The following FER1L6 variants were observed in gnomAD, a reference collection of about 807,000 sequenced individuals.
FER1L6 encodes the protein fer-1-like protein 6.
A neutral mutation model predicts 219.2 loss-of-function variants in FER1L6; 177 were observed. The observed-to-expected ratio is 0.81, with a 90% CI of 0.71 to 0.91. The LOEUF (loss-of-function observed/expected upper bound fraction) is 0.91. Ranked by LOEUF, FER1L6 falls within the 40% of genes least tolerant of loss-of-function variation. FER1L6 has a pLI of 0.00. For synonymous variants in FER1L6, 768 were observed against 824.3 expected (o/e 0.93, Z 1.17); for missense variants, 2,153 against 2,259.9 (o/e 0.95, Z 0.96).
intron 39 of FER1L6, among the ~76,000 whole-genome samples, chr8:124,114,071 T>A (rs565669380): frequency 6.6e-6 from 1 of 152,180 alleles, no homozygotes; most frequent in South Asian, 2.1e-4. Flanking sequence ...TTTATAAAAA[T>A]TTTTCTAACC....
At chr8:124,062,521 C>G (rs549819486) in intron 25 of FER1L6, among the ~76,000 whole-genome samples, 1 of 152,206 alleles carries the variant, frequency 6.6e-6, no homozygotes, top group Admixed American at 6.5e-5. Flanking sequence ...TTTAATCTAC[C>G]TAAATAATAT....
intron 39 of FER1L6, among the ~76,000 whole-genome samples, chr8:124,106,924 A>G (rs956698163): frequency 6.8e-6 from 1 of 148,096 alleles, no homozygotes; most frequent in African/African-American, 2.5e-5. Flanking sequence ...TGACCCTAGT[A>G]TAAGAGATTA....
At chr8:124,104,526 A>G (rs1365848599) in intron 39 of FER1L6, among the ~76,000 whole-genome samples, 7 of 152,184 alleles carry the variant, frequency 4.6e-5, no homozygotes, top group African/African-American at 1.4e-4. Flanking sequence ...AAAAGAGAAG[A>G]TATCTATTCC....
intron 1 of FER1L6, among the ~76,000 whole-genome samples, chr8:123,950,397 C>T (rs951435823): frequency 6.6e-6 from 1 of 152,138 alleles, no homozygotes; most frequent in African/African-American, 2.4e-5. Flanking sequence ...AAGAATAATG[C>T]CTCCATTTTC....
chr8:123,997,290 G>A (rs1320861425), intron 12 of FER1L6, among the ~76,000 whole-genome samples: 3 of 152,062 alleles, frequency 2.0e-5, no homozygotes, highest in African/African-American at 7.2e-5. Flanking sequence ...ACTATTCTAG[G>A]ATAAAAGGGT....
At chr8:124,109,594 C>G (rs1822930059) in intron 39 of FER1L6, among the ~76,000 whole-genome samples, 1 of 152,214 alleles carries the variant, frequency 6.6e-6, no homozygotes, top group Admixed American at 6.5e-5. Flanking sequence ...TTCTTAACTC[C>G]TGTATCACTT....
chr8:124,092,581 T>A (rs1822081792), intron 34 of FER1L6, among the ~76,000 whole-genome samples: 1 of 152,204 alleles, frequency 6.6e-6, no homozygotes, highest in Admixed American at 6.5e-5. Flanking sequence ...TCACATTTAA[T>A]TTAATTATAC....
chr8:123,859,532 C>T (rs1358665978), intron 1 of FER1L6, among the ~76,000 whole-genome samples: 1 of 151,434 alleles, frequency 6.6e-6, no homozygotes, highest in South Asian at 2.1e-4. Flanking sequence ...CTCGTAACCA[C>T]CTTTCTGCTC....
rs149362979 is a variant in FER1L6 at position 124,009,694 on chromosome 8, T to C, written c.1701-900T>C. On this transcript the variant is annotated intron_variant, in intron 13 of 40. Transcript: ENST00000522917. ...GCCTTTGAAGTCTGAGGGTCATTGA[T>C]CGGGAGGTCCAGGAAGGAGCTGGTG... Among the ~76,000 whole-genome samples, 1,262 of 152,014 alleles carry C rather than the reference T, an allele frequency of 8.3e-3. 8 individuals carry two copies. Among genetic ancestry groups the C allele is most frequent in the Middle Eastern group, 0.014 (4 of 294 alleles).
chr8:123,929,663 C>T lies in FER1L6; in HGVS notation c.-7-26329C>T, dbSNP rs7838473. ...GTCATTTATATCCTGATTGGAGACA[C>T]GGTATTGAGGGCTGCCCTTGATGGG... On this transcript the variant is annotated intron_variant, in intron 1 of 40. Coordinates refer to ENST00000522917, the MANE Select transcript of FER1L6 (RefSeq NM_001039112.2). Among the ~76,000 whole-genome samples the T allele has an allele frequency of 4.2e-3, 645 of 151,938 alleles. 6 individuals are homozygous for T. Among genetic ancestry groups the T allele is most frequent in the African/African-American group, 0.014 (598 of 41,398 alleles).
chr8:123,989,542 GT>G (rs956642624), intron 12 of FER1L6, among the ~76,000 whole-genome samples: 4 of 152,066 alleles, frequency 2.6e-5, no homozygotes, highest in Non-Finnish European at 5.9e-5. Flanking sequence ...CCAGTATATA[GT>G]TTTTTATCCT....
chr8:123,972,239 G>C (rs1220234311), intron 6 of FER1L6, among the ~76,000 whole-genome samples: 1 of 152,234 alleles, frequency 6.6e-6, no homozygotes, highest in Non-Finnish European at 1.5e-5. Flanking sequence ...GAGGAGGGCT[G>C]TCATTTCTTG....
chr8:124,081,708 C>T (rs1306314937), intron 32 of FER1L6, among the ~76,000 whole-genome samples: 1 of 149,996 alleles, frequency 6.7e-6, no homozygotes, highest in Non-Finnish European at 1.5e-5. Context: ...TATAATTTTT[C>T]ATCCTTGATA....
chr8:124,095,036 C>T lies in FER1L6; in HGVS notation c.4693C>T (p.Gln1565Ter). Residue 1565 changes from glutamine (Q) to a stop codon, truncating the protein, a stop_gained and splice_region_variant, in exon 35 of 41, where the codon CAG (glutamine) becomes TAG (stop). Coordinates refer to ENST00000522917, the MANE Select transcript of FER1L6 (RefSeq NM_001039112.2). LOFTEE classifies it high-confidence loss of function. ...LYHKDKPGMEQGRLQMWVDMF... is the reference protein window; with the variant it reads ...LYHKDKPGME ...CCACAAGGATAAGCCAGGAATGGAG[C>T]AGGTAGTGGGCAAGACTATTCTGGC... is the stretch of plus-strand genomic sequence containing the variant. 2 of 1,614,016 alleles carry T rather than the reference C, an allele frequency of 1.2e-6. No individual in the cohort carries two copies. The highest frequency in any genetic ancestry group is 1.7e-6 in the Non-Finnish European group (2 of 1,179,950).
chr8:123,874,348 TC>T (rs1448173047), intron 1 of FER1L6, among the ~76,000 whole-genome samples: 2 of 152,152 alleles, frequency 1.3e-5, no homozygotes, highest in Non-Finnish European at 2.9e-5. Context: ...ACGTTACCTA[TC>T]CCTCAGTCTT....
chr8:123,958,946 A>T (rs1563708008), intron 2 of FER1L6, among the ~76,000 whole-genome samples: 1 of 151,916 alleles, frequency 6.6e-6, no homozygotes, highest in Non-Finnish European at 1.5e-5. Flanking sequence ...TAGAGCGCAT[A>T]AAGTGGGTGA....
intron 1 of FER1L6, among the ~76,000 whole-genome samples, chr8:123,933,240 G>C (rs770723906): frequency 8.5e-5 from 13 of 152,294 alleles, no homozygotes; most frequent in African/African-American, 2.9e-4. Context: ...TTCCAAACCA[G>C]AGCAGAAAGT....
intron 2 of FER1L6, among the ~76,000 whole-genome samples, chr8:123,957,358 G>T (rs1449399813): frequency 6.6e-6 from 1 of 152,200 alleles, no homozygotes. Flanking sequence ...AAACTTCCAG[G>T]GAGTGGGTGG....
In FER1L6 at chr8:124,118,783, G is replaced by T. The variant is rs796795120; in HGVS notation, c.5290-61G>T. ...TCCAACTTGGTAACACTTCTAGAAG[G>T]TTGCCATTGGCTCAGTGGGTCTTTG... is the stretch of plus-strand genomic sequence containing the variant. On this transcript the variant is annotated intron_variant, in intron 39 of 40. Transcript: ENST00000522917. 38 of 1,361,832 alleles carry T rather than the reference G, an allele frequency of 2.8e-5. No homozygotes were observed. The East Asian group carries it at 7.6e-4, about 27-fold the overall frequency. The allele number at this position is 1,361,832 out of a possible 1,614,324, so 84.4% of individuals were successfully genotyped here.
Sources: gnomAD v4.1 joint callset for allele counts (sites outside exome capture counted in the v4.1 genomes callset) on GRCh38, gnomAD v4.1.1 for gene constraint, MANE v1.5 for transcripts, NCBI Gene and HGNC (gene_info 2026-07-23, HGNC 2026-07-21) for gene names.